The following TCTN2 variants were observed in gnomAD, a reference collection of about 807,000 sequenced individuals.
The protein encoded by TCTN2 is tectonic family member 2.
Under a neutral mutation model 83.4 loss-of-function variants are expected in TCTN2, and 66 were observed. The observed-to-expected ratio is 0.79, with a 90% CI of 0.65 to 0.97. TCTN2 has a LOEUF of 0.97. Among genes scored for constraint, TCTN2 ranks in the 50% least tolerant of loss-of-function variants. TCTN2 has a pLI of 0.00. For missense variants in TCTN2, 794 were observed against 858.1 expected (o/e 0.93, Z 0.93); for synonymous variants, 301 against 326.7 (o/e 0.92, Z 0.85).
chr12:123,700,596 A>G (rs1177077055), intron 14 of TCTN2, among the ~76,000 whole-genome samples: 1 of 152,032 alleles, frequency 6.6e-6, no homozygotes, highest in Non-Finnish European at 1.5e-5. Flanking sequence ...CCACCTGGCT[A>G]ATTTTTGTAT....
chr12:123,682,390 G>A (rs7313261), intron 5 of TCTN2, among the ~76,000 whole-genome samples: 64,843 of 152,012 alleles, frequency 0.43, 14,987 homozygotes, highest in African/African-American at 0.59. Flanking sequence ...CCCTTCACCC[G>A]TGTTTTAAAT....
At chr12:123,698,232 G>A (rs1593861346) in intron 13 of TCTN2, among the ~76,000 whole-genome samples, 1 of 151,894 alleles carries the variant, frequency 6.6e-6, no homozygotes, top group Admixed American at 6.6e-5. Context: ...AGTAGAGATG[G>A]GGTTTCTCCA....
At chr12:123,703,339 A>G (rs10846546) in intron 14 of TCTN2, among the ~76,000 whole-genome samples, 80,503 of 151,492 alleles carry the variant, frequency 0.53, 24,195 homozygotes, top group African/African-American at 0.82. Context: ...GCGCCACCAT[A>G]CCTGGCCAAT....
rs1956090866 is a variant in TCTN2 at position 123,695,032 on chromosome 12, CTT to C, written c.1234+59_1234+60del. The C allele has an allele frequency of 3.1e-6, 5 of 1,601,060 alleles. No homozygotes were observed. In the African/African-American group the frequency reaches 6.7e-5, roughly 22 times the overall value. ...TCACTGAAAAGTATTTTTTTTTCCT[CTT>C]TTCAAGATTCTCATAATTATAACCC... On this transcript the variant is annotated intron_variant, in intron 10 of 17. Coordinates refer to ENST00000303372, the MANE Select transcript of TCTN2 (RefSeq NM_024809.5).
Position 123,707,622 on chromosome 12 carries a change from G to A in TCTN2, c.2003G>A (p.Cys668Tyr), listed in dbSNP as rs371730362. Residue 668 changes from cysteine to tyrosine, a missense_variant, in exon 18 of 18, where the codon TGT becomes TAT. Physicochemically the swap from Cys to Tyr is radical, Grantham distance 194. Transcript: ENST00000303372. ...TTTTCAGGGGAGCTGCATTCTCAGT[G>A]TGTTGCTAAGGGCTTACTGTTGCTG... ...QYYQGELHSQ[C>Y]VAKGLLLLLF... 7.4e-6 allele frequency: 12 copies of A among 1,614,064 alleles called. No individual in the cohort carries two copies. Among genetic ancestry groups the A allele is most frequent in the Non-Finnish European group, 2.5e-6 (3 of 1,180,036 alleles).
intron 12 of TCTN2, 71 bp from the exon 13 acceptor site, chr12:123,697,016 C>T (rs1956116944): frequency 8.9e-6 from 11 of 1,240,488 alleles, no homozygotes; most frequent in Non-Finnish European, 1.3e-5. Flanking sequence ...CTGTTTTTCA[C>T]GGAAAACTGA....
At position 123,671,124 on chromosome 12, in the gene TCTN2, C is replaced by T. The variant is rs951699822; in HGVS notation, c.-117C>T. 1.4e-5 allele frequency: 14 copies of T among 987,946 alleles called. No individual in the cohort carries two copies. The highest frequency in any genetic ancestry group is 2.0e-5 in the Non-Finnish European group (13 of 646,142). The allele number at this position is 987,946 out of a possible 1,614,324, so 61.2% of individuals were successfully genotyped here. On this transcript the variant is annotated 5_prime_UTR_variant, in exon 1 of 18. Transcript: ENST00000303372. ...GATTGGTGGTTGCCATAGCTCCGGG[C>T]GTTCGCTTGCAAGATGGCGGCGGCG...
chr12:123,707,253 A>C, intron 17 of TCTN2, 180 bp downstream of exon 17: 1 of 655,944 alleles, frequency 1.5e-6, no homozygotes. Context: ...TTCTACCTAC[A>C]CTGTTTTTTT....
At chr12:123,699,934 C>T (rs1231533167) in intron 14 of TCTN2, 124 bp downstream of exon 14, 3 of 789,332 alleles carry the variant, frequency 3.8e-6, no homozygotes, top group Non-Finnish European at 4.5e-6. Context: ...CTTAACTGGA[C>T]GTTTGCCCAG....
chr12:123,678,520 T>C (rs990841856), intron 4 of TCTN2, among the ~76,000 whole-genome samples: 2 of 152,194 alleles, frequency 1.3e-5, no homozygotes, highest in African/African-American at 2.4e-5. Context: ...ACTCCTGACC[T>C]CAGGTGATCC....
intron 6 of TCTN2, among the ~76,000 whole-genome samples, chr12:123,687,652 AAAAC>A (rs1162993044): frequency 3.8e-5 from 5 of 130,476 alleles, no homozygotes; most frequent in African/African-American, 1.2e-4. Flanking sequence ...ACTCTGGCCC[AAAAC>A]AAACAAAACA....
rs1175720910 is a variant in TCTN2, at chr12:123,697,080, T to C, written c.1394-7T>C. ...AGTAGCAAGAGGATAATCTTTTTCT[T>C]TTATAGCTGGAAGGGGTCTGTGTAC... is the stretch of plus-strand genomic sequence containing the variant. On this transcript the variant is annotated splice_region_variant and splice_polypyrimidine_tract_variant and intron_variant, in intron 12 of 17. Coordinates refer to ENST00000303372, the MANE Select transcript of TCTN2 (RefSeq NM_024809.5). 6.2e-7 allele frequency: 1 copy of C among 1,609,208 alleles called. No homozygotes were observed. Among genetic ancestry groups the C allele is most frequent in the African/African-American group, 1.3e-5 (1 of 74,966 alleles).
chr12:123,672,008 T>G, intron 2 of TCTN2, 48 bp from the exon 3 acceptor site: 128 of 1,521,370 alleles, frequency 8.4e-5, no homozygotes, highest in Non-Finnish European at 1.0e-4. Flanking sequence ...ATGCACCCCC[T>G]GAGCTGCTGG....
At chr12:123,697,297 G>C (rs1418226792) in intron 13 of TCTN2, 99 bp downstream of exon 13, 2 of 901,268 alleles carry the variant, frequency 2.2e-6, no homozygotes, top group Non-Finnish European at 1.9e-6. Context: ...TGAAAAATTA[G>C]AGTCAATTAA....
intron 5 of TCTN2, among the ~76,000 whole-genome samples, chr12:123,680,464 TC>T (rs1211184634): frequency 7.4e-6 from 1 of 135,226 alleles, no homozygotes; most frequent in Non-Finnish European, 1.6e-5. Flanking sequence ...TGACTTTTTT[TC>T]TTTTAGGCTT....
At chr12:123,699,417 A>C (rs762342593) in intron 13 of TCTN2, among the ~76,000 whole-genome samples, 1 of 152,128 alleles carries the variant, frequency 6.6e-6, no homozygotes. Context: ...AGCCTCCCAA[A>C]GGGTTGGGAT....
rs778589811 is a variant in TCTN2, at chr12:123,690,633, A to G, written c.992A>G (p.Asp331Gly). Residue 331 changes from aspartate (D) to glycine (G), a missense_variant, in exon 8 of 18, where the codon GAT becomes GGT. Coordinates refer to ENST00000303372, the MANE Select transcript of TCTN2 (RefSeq NM_024809.5). Reference sequence around the variant, plus strand: ...AATTTGGAACTATACCAAGAACGAGATGGTATTATCAATGCGAAGATAAAG... The same window carrying G: ...AATTTGGAACTATACCAAGAACGAGGTGGTATTATCAATGCGAAGATAAAG... ...VTNLELYQERDGIINAKIKNV... is the reference protein window; with the variant it reads ...VTNLELYQERGGIINAKIKNV... 19 of 1,614,158 alleles carry G rather than the reference A, an allele frequency of 1.2e-5. No homozygotes were observed. Among genetic ancestry groups the G allele is most frequent in the Non-Finnish European group, 1.6e-5 (19 of 1,180,010 alleles).
Position 123,686,981 on chromosome 12 carries a change from T to C in TCTN2, c.710T>C (p.Val237Ala). The C allele has an allele frequency of 6.2e-7, 1 of 1,614,212 alleles. No individual in the cohort carries two copies. Among genetic ancestry groups the C allele is most frequent in the South Asian group, 1.1e-5 (1 of 91,082 alleles). ...GVPDWFPFLC[V>A]QSPLANTPFL... ...CCCGATTGGTTTCCCTTTCTGTGTG[T>C]GCAGTCCCCCCTTGCCAACACACCC... Residue 237 changes from valine to alanine, a missense_variant, in exon 6 of 18, where the codon GTG becomes GCG. Transcript: ENST00000303372.
chr12:123,707,266 TTAG>T, intron 17 of TCTN2, 193 bp downstream of exon 17: 1 of 634,628 alleles, frequency 1.6e-6, no homozygotes, highest in Non-Finnish European at 2.7e-6. Context: ...GTTTTTTTTT[TTAG>T]AGAGTCTTGC....
Sources: gnomAD v4.1 joint callset for allele counts (sites outside exome capture counted in the v4.1 genomes callset) on GRCh38, gnomAD v4.1.1 for gene constraint, MANE v1.5 for transcripts, NCBI Gene and HGNC (gene_info 2026-07-23, HGNC 2026-07-21) for gene names.